TFDP2: variants seen among roughly 807,000 people sequenced by gnomAD.
TFDP2 encodes the protein transcription factor Dp-2 (E2F dimerization partner 2).
A neutral mutation model predicts 59.3 loss-of-function variants in TFDP2; 17 were observed. The observed-to-expected ratio is 0.29, with a 90% CI of 0.20 to 0.43. TFDP2 has a LOEUF of 0.43. Among genes scored for constraint, TFDP2 ranks in the 20% least tolerant of loss-of-function variants. The pLI is 1.00. For missense variants in TFDP2, 391 were observed against 528.8 expected, an observed-to-expected ratio of 0.74 and a Z score of 2.56; for synonymous variants, 180 against 194.7, an observed-to-expected ratio of 0.92 and a Z score of 0.63.
At chr3:142,070,253 A>G (rs2060202980) in intron 3 of TFDP2, among the ~76,000 whole-genome samples, 1 of 151,946 alleles carries the variant, frequency 6.6e-6, no homozygotes, top group South Asian at 2.1e-4. Flanking sequence ...ATACTCACCA[A>G]TCTTATAGAG....
chr3:142,149,439 GCAGCGCCGCAGCCGAGA>G lies in TFDP2; in HGVS notation c.-366_-350del. The G allele has an allele frequency of 2.6e-6, 1 of 380,200 alleles. No individual in the cohort carries two copies. The highest frequency in any genetic ancestry group is 4.7e-6 in the Non-Finnish European group (1 of 214,536). The allele number at this position is 380,200 out of a possible 1,614,324, so 23.6% of individuals were successfully genotyped here. ...GCGCCCCGCGGGCCGGGCAGCTGCG[GCAGCGCCGCAGCCGAGA>G]TCGCTACCGATTTCGTCCGCCCTCT... is the stretch of plus-strand genomic sequence containing the variant. On this transcript the variant is annotated 5_prime_UTR_variant, in exon 1 of 13. Transcript: ENST00000489671.
rs116537568 is a variant in TFDP2, at chr3:142,148,368, A to C, written c.-93+815T>G. On this transcript the variant is annotated intron_variant, in intron 1 of 12. Transcript: ENST00000489671. ...TCACTGTCTCAACACTAAAAGGGAA[A>C]TAATATAGGGTCTTTTTCTAAACCA... 1.3e-3 allele frequency among the ~76,000 whole-genome samples: 198 copies of C among 152,366 alleles called. 2 individuals carry two copies. Among genetic ancestry groups the C allele is most frequent in the African/African-American group, 4.5e-3 (189 of 41,592 alleles).
chr3:142,035,862 T>C (rs1021392911), intron 3 of TFDP2, among the ~76,000 whole-genome samples: 2 of 152,250 alleles, frequency 1.3e-5, no homozygotes, highest in East Asian at 1.9e-4. Flanking sequence ...CCCAGCCACA[T>C]GGAACTGTAA....
chr3:141,956,368 G>A (rs541260834), intron 11 of TFDP2, among the ~76,000 whole-genome samples: 27 of 151,912 alleles, frequency 1.8e-4, no homozygotes, highest in Non-Finnish European at 2.8e-4. Flanking sequence ...CCTGGCCAAC[G>A]TGGTGAAACC....
chr3:141,979,207 G>A (rs146179355), intron 6 of TFDP2, among the ~76,000 whole-genome samples: 40 of 152,206 alleles, frequency 2.6e-4, no homozygotes, highest in African/African-American at 7.7e-4. Flanking sequence ...GAGTAATAAT[G>A]CATTACTCAC....
intron 3 of TFDP2, among the ~76,000 whole-genome samples, chr3:142,031,299 T>C (rs1192312199): frequency 1.3e-5 from 2 of 152,200 alleles, no homozygotes; most frequent in Non-Finnish European, 2.9e-5. Context: ...ACTGAGCACC[T>C]ATTATGTATC....
intron 3 of TFDP2, among the ~76,000 whole-genome samples, chr3:142,086,043 T>G (rs2060802613): frequency 6.6e-6 from 1 of 152,206 alleles, no homozygotes; most frequent in East Asian, 1.9e-4. Context: ...TCTTCCGCCC[T>G]TGTTCTTTTT....
At chr3:142,082,375 G>GTAA (rs1346554769) in intron 3 of TFDP2, among the ~76,000 whole-genome samples, 1 of 152,090 alleles carries the variant, frequency 6.6e-6, no homozygotes, top group Non-Finnish European at 1.5e-5. Flanking sequence ...CACAACAAAT[G>GTAA]TAATACACTT....
intron 4 of TFDP2, among the ~76,000 whole-genome samples, chr3:141,997,780 G>A (rs1178976955): frequency 6.8e-6 from 1 of 146,946 alleles, no homozygotes; most frequent in Non-Finnish European, 1.5e-5. Context: ...AACCCAGGAG[G>A]CAGAGGTTAC....
At position 141,970,093 on chromosome 3, in the gene TFDP2, G is replaced by A; in HGVS notation, c.712C>T (p.Leu238=). The change falls in exon 9 of 13, where the codon CTG becomes TTG. Residue 238 remains leucine (L), a synonymous_variant. Transcript: ENST00000489671. Reference sequence around the variant, plus strand: ...TTTACCTGTAGGAGAAGTTCTTGCAGCTGGGCCCGCTTCTGCTTTATCCGT... The same window carrying A: ...TTTACCTGTAGGAGAAGTTCTTGCAACTGGGCCCGCTTCTGCTTTATCCGT... ...IERIKQKRAQ[L]QELLLQQIAF... 1 of 1,614,168 alleles carries A rather than the reference G, an allele frequency of 6.2e-7. No individual in the cohort carries two copies. The highest frequency in any genetic ancestry group is 8.5e-7 in the Non-Finnish European group (1 of 1,179,996).
chr3:142,054,063 C>T (rs2059657775), intron 3 of TFDP2: 1 of 152,200 alleles, frequency 6.6e-6, no homozygotes, highest in Non-Finnish European at 1.5e-5. Flanking sequence ...CTTGTACAAA[C>T]ACTTTGGGAA....
chr3:142,049,809 A>G (rs1457511646), intron 3 of TFDP2, among the ~76,000 whole-genome samples: 2 of 152,210 alleles, frequency 1.3e-5, no homozygotes, highest in African/African-American at 2.4e-5. Context: ...CAACAAAACA[A>G]AATCAGATAT....
chr3:142,038,452 T>C (rs1946802607), intron 3 of TFDP2, among the ~76,000 whole-genome samples: 1 of 148,232 alleles, frequency 6.7e-6, no homozygotes, highest in South Asian at 2.1e-4. Flanking sequence ...TAAATAGATG[T>C]AGAATAAGAA....
intron 1 of TFDP2, among the ~76,000 whole-genome samples, chr3:142,106,622 T>C (rs768831927): frequency 6.6e-6 from 1 of 152,238 alleles, no homozygotes; most frequent in Non-Finnish European, 1.5e-5. Context: ...ATGCATTATG[T>C]TTTATCCAGA....
At chr3:141,975,577 C>A (rs1342810650) in intron 7 of TFDP2, among the ~76,000 whole-genome samples, 1 of 151,764 alleles carries the variant, frequency 6.6e-6, no homozygotes, top group Non-Finnish European at 1.5e-5. Flanking sequence ...GACTGTAATG[C>A]CAGCTACTCA....
chr3:142,043,838 T>G, intron 3 of TFDP2: 1 of 1,493,344 alleles, frequency 6.7e-7, no homozygotes, highest in Non-Finnish European at 9.3e-7. Flanking sequence ...CCCTTCACCT[T>G]CAGGTACAGG....
Position 141,944,677 on chromosome 3 carries a change from TA to T in TFDP2, c.*7835del, listed in dbSNP as rs1000916232. The T allele has an allele frequency of 1.3e-5, 2 of 152,192 alleles. No homozygotes were observed. The highest frequency in any genetic ancestry group is 2.9e-5 in the Non-Finnish European group (2 of 68,038). The allele number at this position is 152,192 out of a possible 1,614,324, so 9.4% of individuals were successfully genotyped here. ...GACGCATCCTAGGATCGCAAAACTG[TA>T]AAATTCCCCCAGTCAACTCCACGGC... On this transcript the variant is annotated 3_prime_UTR_variant, in exon 13 of 13. Transcript: ENST00000489671.
At chr3:142,029,697 T>G (rs1946330309) in intron 3 of TFDP2, among the ~76,000 whole-genome samples, 1 of 152,110 alleles carries the variant, frequency 6.6e-6, no homozygotes. Flanking sequence ...GAGATAAAAT[T>G]TTCAACTAGC....
chr3:141,989,224 T>C (rs980971208), intron 6 of TFDP2: 2 of 152,262 alleles, frequency 1.3e-5, no homozygotes, highest in South Asian at 2.1e-4. Context: ...TTTCAATATA[T>C]AGAGTTTACA....
Sources: allele counts gnomAD v4.1 joint callset (sites outside exome capture counted in the v4.1 genomes callset), GRCh38; gene constraint gnomAD v4.1.1; transcripts MANE v1.5; gene names NCBI Gene and HGNC (gene_info 2026-07-23, HGNC 2026-07-21).